AHR: variants seen among roughly 807,000 people sequenced by gnomAD.
The protein encoded by AHR is AH-receptor.
In AHR, 40 loss-of-function variants were observed where a neutral mutation model predicts 86.8. The ratio of observed to expected loss-of-function variants is 0.46; its 90% CI spans 0.36 to 0.60. AHR has a LOEUF of 0.60. Ranked by LOEUF, AHR falls within the 20% of genes least tolerant of loss-of-function variation. The probability of loss-of-function intolerance (pLI) is 0.00; values close to 1 mark genes in which losing one functional copy is unlikely to be tolerated. For missense variants in AHR, 1,001 were observed against 1,011.6 expected (o/e 0.99, Z 0.14); for synonymous variants, 398 against 354.9 (o/e 1.12, Z -1.37).
chr7:17,318,218 A>T (rs1004650715), intron 2 of AHR, among the ~76,000 whole-genome samples: 3 of 151,730 alleles, frequency 2.0e-5, no homozygotes, highest in Admixed American at 6.6e-5. Flanking sequence ...TTCCTCATGA[A>T]TTTTTTTTTC....
intron 1 of AHR, among the ~76,000 whole-genome samples, chr7:17,303,942 G>A (rs1269540144): frequency 6.6e-6 from 1 of 152,106 alleles, no homozygotes; most frequent in Non-Finnish European, 1.5e-5. Flanking sequence ...ATAGGCAAAA[G>A]TGTGGTTGGT....
At chr7:17,310,254 CA>C (rs1463888418) in intron 2 of AHR, 131 bp downstream of exon 2, 14 of 847,314 alleles carry the variant, frequency 1.7e-5, no homozygotes, top group Non-Finnish European at 1.9e-5. Context: ...AGTAAAATTT[CA>C]GTGGCAAAGC....
At chr7:17,323,187 A>G (rs1249044306) in intron 3 of AHR, among the ~76,000 whole-genome samples, 1 of 152,142 alleles carries the variant, frequency 6.6e-6, no homozygotes. Flanking sequence ...AAGAACTCCT[A>G]GAGTATTTTA....
chr7:17,338,628 T>G (rs1299989961), intron 9 of AHR, among the ~76,000 whole-genome samples: 1 of 152,216 alleles, frequency 6.6e-6, no homozygotes, highest in East Asian at 1.9e-4. Flanking sequence ...AGTGCTGCAA[T>G]TACAGGCATG....
At position 17,299,162 on chromosome 7, in the gene AHR, G is replaced by C; in HGVS notation, c.-103G>C. 7.5e-7 allele frequency: 1 copy of C among 1,326,310 alleles called. No individual in the cohort carries two copies. Among genetic ancestry groups the C allele is most frequent in the Non-Finnish European group, 1.0e-6 (1 of 1,000,622 alleles). The allele number at this position is 1,326,310 out of a possible 1,614,324, so 82.2% of individuals were successfully genotyped here. On this transcript the variant is annotated 5_prime_UTR_variant, in exon 1 of 11. Coordinates refer to ENST00000242057, the MANE Select transcript of AHR (RefSeq NM_001621.5). ...ACGCAGGTGGAGCGGGCGCGGCTTC[G>C]CGGAACCCGGCGCCGGCCGCCGCAG...
chr7:17,327,815 T>C lies in AHR; in HGVS notation c.417T>C (p.Ser139=), dbSNP rs1358279524. Residue 139 remains serine (S), a synonymous_variant, in exon 4 of 11, where the codon TCT becomes TCC. Coordinates refer to ENST00000242057, the MANE Select transcript of AHR (RefSeq NM_001621.5). ...VTTDALVFYA[S]STIQDYLGFQ... ...CAGATGCTTTGGTCTTTTATGCTTCTTCTACTATACAAGATTATCTAGGGT... is the reference window on the plus strand; with the variant it reads ...CAGATGCTTTGGTCTTTTATGCTTCCTCTACTATACAAGATTATCTAGGGT... 1 of 1,572,318 alleles carries C rather than the reference T, an allele frequency of 6.4e-7. No individual in the cohort carries two copies. The highest frequency in any genetic ancestry group is 1.7e-5 in the Admixed American group (1 of 59,202).
chr7:17,303,277 T>C (rs1168977549), intron 1 of AHR, among the ~76,000 whole-genome samples: 4 of 152,014 alleles, frequency 2.6e-5, no homozygotes, highest in Non-Finnish European at 5.9e-5. Flanking sequence ...AAATTCAGAG[T>C]TGCTCAGATA....
At chr7:17,310,750 G>A (rs558117283) in intron 2 of AHR, among the ~76,000 whole-genome samples, 1 of 152,172 alleles carries the variant, frequency 6.6e-6, no homozygotes, top group African/African-American at 2.4e-5. Context: ...TGGCCAGGCT[G>A]CTCTCAAACT....
At chr7:17,327,157 G>A (rs1379883693) in intron 3 of AHR, among the ~76,000 whole-genome samples, 1 of 151,972 alleles carries the variant, frequency 6.6e-6, no homozygotes, top group African/African-American at 2.4e-5. Flanking sequence ...CATATAAAAT[G>A]ATAAATTTAG....
chr7:17,300,525 C>T (rs1028071120), intron 1 of AHR, among the ~76,000 whole-genome samples: 3 of 152,088 alleles, frequency 2.0e-5, no homozygotes, highest in African/African-American at 7.2e-5. Context: ...TATCATAGTT[C>T]TTCAGAAGTA....
chr7:17,335,977 G>T, intron 9 of AHR, 191 bp downstream of exon 9: 1 of 546,374 alleles, frequency 1.8e-6, no homozygotes, highest in Non-Finnish European at 3.1e-6. Flanking sequence ...AGAGCTACAT[G>T]TGCAGAGCTA....
At chr7:17,315,092 C>G (rs948066651) in intron 2 of AHR, among the ~76,000 whole-genome samples, 1 of 151,758 alleles carries the variant, frequency 6.6e-6, no homozygotes, top group African/African-American at 2.4e-5. Flanking sequence ...CTATATAAAC[C>G]TAGGTTCTTT....
intron 2 of AHR, among the ~76,000 whole-genome samples, chr7:17,311,260 C>T (rs1351932819): frequency 6.6e-6 from 1 of 152,096 alleles, no homozygotes; most frequent in East Asian, 1.9e-4. Flanking sequence ...TGGGCTATGT[C>T]AGTCAATGCT....
intron 5 of AHR, 31 bp from the exon 6 acceptor site, chr7:17,330,725 A>G: frequency 1.3e-6 from 2 of 1,524,996 alleles, no homozygotes; most frequent in Non-Finnish European, 1.8e-6. Context: ...CAAAATGGAA[A>G]GTAAATTTTG....
Position 17,329,965 on chromosome 7 carries a change from A to T in AHR, c.464A>T (p.His155Leu), listed in dbSNP as rs777839731. 1.2e-6 allele frequency: 2 copies of T among 1,609,566 alleles called. No individual in the cohort carries two copies. The highest frequency in any genetic ancestry group is 4.5e-5 in the East Asian group (2 of 44,814). ...YLGFQQSDVIHQSVYELIHTE... is the reference protein window; with the variant it reads ...YLGFQQSDVILQSVYELIHTE... ...TTTTTTCTTTAGTCTGATGTCATAC[A>T]TCAGAGTGTATATGAACTTATCCAT... The change falls in exon 5 of 11, where the codon CAT (histidine) becomes CTT (leucine). Residue 155 changes from histidine (H) to leucine (L), a missense_variant. By Grantham distance (99) the His-to-Leu change is moderately conservative (BLOSUM62 -3). Coordinates refer to ENST00000242057, the MANE Select transcript of AHR (RefSeq NM_001621.5).
intron 9 of AHR, among the ~76,000 whole-genome samples, chr7:17,338,385 T>TTACTC (rs989154314): frequency 2.1e-4 from 32 of 152,288 alleles, no homozygotes; most frequent in Admixed American, 1.4e-3. Context: ...AGACAGGATC[T>TTACTC]TACTCTGTCA....
rs770902997 is a variant in AHR, at chr7:17,329,901, A to G, written c.451-51A>G. ...AATAGGCTTTAAAATTAATTTAGCC[A>G]TATTTTTTAATCAGTCCTTTTGTTG... On this transcript the variant is annotated intron_variant, in intron 4 of 10. Coordinates refer to ENST00000242057, the MANE Select transcript of AHR (RefSeq NM_001621.5). 2.6e-6 allele frequency: 4 copies of G among 1,521,242 alleles called. No individual in the cohort carries two copies. The South Asian group carries it at 3.7e-5, about 14-fold the overall frequency. The allele number at this position is 1,521,242 out of a possible 1,614,324, so 94.2% of individuals were successfully genotyped here.
At chr7:17,338,209 A>AG (rs1402077274) in intron 9 of AHR, among the ~76,000 whole-genome samples, 2 of 151,828 alleles carry the variant, frequency 1.3e-5, no homozygotes, top group Non-Finnish European at 2.9e-5. Context: ...AAAAAAAAAA[A>AG]AAAAAATCTA....
Position 17,299,316 on chromosome 7 carries a change from C to T in AHR, c.52C>T (p.Pro18Ser), listed in dbSNP as rs867245980. Residue 18 changes from proline (P) to serine (S), a missense_variant, in exon 1 of 11, where the codon CCG becomes TCG. Pro to Ser is a moderately conservative substitution (Grantham distance 74). This residue lies in a region of AHR where 394 missense variants were observed against 468.5 expected (regional missense o/e 0.84). Coordinates refer to ENST00000242057, the MANE Select transcript of AHR (RefSeq NM_001621.5). ...CTACGCCAGTCGCAAGCGGCGGAAG[C>T]CGGTGCAGAAAACGTGAGTGTCCCG... ...ITYASRKRRK[P>S]VQKTVKPIPA... 1 of 1,612,838 alleles carries T rather than the reference C, an allele frequency of 6.2e-7. No individual in the cohort carries two copies.
Sources: gnomAD v4.1 joint callset for allele counts (sites outside exome capture counted in the v4.1 genomes callset) on GRCh38, gnomAD v4.1.1 for gene constraint, gnomAD v4.1.1 regional missense constraint, MANE v1.5 for transcripts, NCBI Gene and HGNC (gene_info 2026-07-23, HGNC 2026-07-21) for gene names.